Variants in MAN1A2 observed in about 807,000 individuals in gnomAD.
MAN1A2 encodes the protein mannosyl-oligosaccharide 1,2-alpha-mannosidase IB.
MAN1A2 carries 26 observed loss-of-function variants against 75.7 expected under a neutral mutation model. That is an observed-to-expected ratio of 0.34 (90% CI 0.25 to 0.48). MAN1A2 has a LOEUF of 0.48. MAN1A2 is among the 20% of genes least tolerant of loss of function. The pLI is 0.99. For missense variants in MAN1A2, 562 were observed against 775.5 expected (o/e 0.72, Z 3.27); for synonymous variants, 247 against 264.6 (o/e 0.93, Z 0.65).
At position 117,523,827 on chromosome 1, in the gene MAN1A2, T is replaced by C. The variant is rs923115503; in HGVS notation, c.*870T>C. 6 of 151,838 alleles carry C rather than the reference T, an allele frequency of 4.0e-5. No homozygotes were observed. The highest frequency in any genetic ancestry group is 1.2e-4 in the African/African-American group (5 of 41,388). 9.4% of individuals were successfully genotyped at this position (151,838 alleles called of 1,614,324 possible). On this transcript the variant is annotated 3_prime_UTR_variant, in exon 13 of 13. Transcript: ENST00000356554. ...TCCTTGGTTTTGTTGCTACATTATT[T>C]TTCCAGACCAACACATCTACCAAGT...
intron 5 of MAN1A2, among the ~76,000 whole-genome samples, chr1:117,432,701 C>T (rs1458653361): frequency 6.6e-6 from 1 of 152,060 alleles, no homozygotes; most frequent in Non-Finnish European, 1.5e-5. Flanking sequence ...TATCATTCTT[C>T]CCCAGAGGAA....
At chr1:117,386,337 T>A (rs1329763676) in intron 1 of MAN1A2, among the ~76,000 whole-genome samples, 1 of 152,190 alleles carries the variant, frequency 6.6e-6, no homozygotes, top group African/African-American at 2.4e-5. Flanking sequence ...GTTGGTACTG[T>A]TCACCTGAGA....
chr1:117,383,092 G>T (rs547678254), intron 1 of MAN1A2, among the ~76,000 whole-genome samples: 1 of 152,254 alleles, frequency 6.6e-6, no homozygotes, highest in South Asian at 2.1e-4. Context: ...GTGAAAGTGG[G>T]CATCTTTGTC....
intron 3 of MAN1A2, among the ~76,000 whole-genome samples, chr1:117,407,978 A>AT (rs1465058061): frequency 6.6e-6 from 1 of 152,136 alleles, no homozygotes; most frequent in Non-Finnish European, 1.5e-5. Flanking sequence ...TCTTGTGCCC[A>AT]TTGTTGAACC....
chr1:117,407,943 C>T (rs533222062), intron 3 of MAN1A2, among the ~76,000 whole-genome samples: 1 of 152,264 alleles, frequency 6.6e-6, no homozygotes, highest in East Asian at 1.9e-4. Context: ...GAAATACTCA[C>T]TGTTTCTTAT....
chr1:117,433,966 T>C (rs1381899194), intron 5 of MAN1A2, among the ~76,000 whole-genome samples: 1 of 152,194 alleles, frequency 6.6e-6, no homozygotes, highest in African/African-American at 2.4e-5. Context: ...TGTGATTATA[T>C]GGCATTTGCA....
chr1:117,402,797 A>G (rs181391301), intron 2 of MAN1A2, among the ~76,000 whole-genome samples: 3 of 152,246 alleles, frequency 2.0e-5, no homozygotes. Flanking sequence ...ACTCTGCTAG[A>G]TACTATGCAG....
intron 3 of MAN1A2, among the ~76,000 whole-genome samples, chr1:117,410,920 A>G (rs11584944): frequency 0.076 from 11,571 of 151,900 alleles, 494 homozygotes; most frequent in Middle Eastern, 0.15. Flanking sequence ...GAACCTGCAC[A>G]TGGAAAACTT....
At chr1:117,487,936 A>G (rs1045254017) in intron 8 of MAN1A2, among the ~76,000 whole-genome samples, 10 of 152,116 alleles carry the variant, frequency 6.6e-5, no homozygotes, top group African/African-American at 2.2e-4. Flanking sequence ...AATCTATTGT[A>G]TAAATCCATC....
At chr1:117,373,147 G>C (rs527257251) in intron 1 of MAN1A2, among the ~76,000 whole-genome samples, 1 of 149,948 alleles carries the variant, frequency 6.7e-6, no homozygotes, top group East Asian at 1.9e-4. Context: ...GTTATGATTC[G>C]TGTTTTTTTT....
At chr1:117,398,237 T>TCTG (rs1647281039) in intron 1 of MAN1A2, among the ~76,000 whole-genome samples, 6 of 152,136 alleles carry the variant, frequency 3.9e-5, no homozygotes, top group Admixed American at 1.3e-4. Flanking sequence ...TCAGACTGTA[T>TCTG]ATTAGGGAGA....
intron 7 of MAN1A2, among the ~76,000 whole-genome samples, chr1:117,462,890 G>T (rs564986275): frequency 1.3e-5 from 2 of 152,140 alleles, no homozygotes; most frequent in South Asian, 4.1e-4. Context: ...CTGGGATATG[G>T]GGAATAGTAT....
chr1:117,501,302 G>A (rs911408777), intron 11 of MAN1A2, among the ~76,000 whole-genome samples: 6 of 151,788 alleles, frequency 4.0e-5, no homozygotes, highest in Non-Finnish European at 5.9e-5. Context: ...AGTTTCAGAA[G>A]TGTGCAGTGG....
intron 6 of MAN1A2, among the ~76,000 whole-genome samples, chr1:117,454,130 A>G (rs1368814783): frequency 1.3e-5 from 2 of 152,242 alleles, no homozygotes; most frequent in Admixed American, 1.3e-4. Flanking sequence ...TTTTATATAT[A>G]CTGAGATACG....
At chr1:117,464,145 C>G (rs751845533) in intron 7 of MAN1A2, among the ~76,000 whole-genome samples, 1 of 151,910 alleles carries the variant, frequency 6.6e-6, no homozygotes, top group Non-Finnish European at 1.5e-5. Flanking sequence ...GTGGGTGGAT[C>G]GCTTGAGCTC....
At chr1:117,473,775 G>T (rs756714684) in intron 8 of MAN1A2, among the ~76,000 whole-genome samples, 1 of 151,880 alleles carries the variant, frequency 6.6e-6, no homozygotes, top group Non-Finnish European at 1.5e-5. Context: ...GTCACCTTAC[G>T]TGATAGGCGG....
Position 117,526,394 on chromosome 1 carries a change from G to A in MAN1A2, c.*3437G>A, listed in dbSNP as rs1652020731. The stretch of plus-strand genomic sequence containing the variant: ...AATTTTATATTTCATATAAATTAAA[G>A]AGGAAAAAGAAAAGGTTTATAATAT... On this transcript the variant is annotated 3_prime_UTR_variant, in exon 13 of 13. Coordinates refer to ENST00000356554, the MANE Select transcript of MAN1A2 (RefSeq NM_006699.5). 1 of 151,642 alleles carries A rather than the reference G, an allele frequency of 6.6e-6. No homozygotes were observed. The highest frequency in any genetic ancestry group is 1.5e-5 in the Non-Finnish European group (1 of 67,778). The allele number at this position is 151,642 out of a possible 1,614,324, so 9.4% of individuals were successfully genotyped here.
rs1424513880 is a variant in MAN1A2 at position 117,523,208 on chromosome 1, T to A, written c.*251T>A. On this transcript the variant is annotated 3_prime_UTR_variant, in exon 13 of 13. Transcript: ENST00000356554. ...TGTGCTTTGATCGTTAATGAGGTGG[T>A]CACATGAGAAATGATACCTGTTACT... 2 of 618,982 alleles carry A rather than the reference T, an allele frequency of 3.2e-6. No individual in the cohort carries two copies. Among genetic ancestry groups the A allele is most frequent in the Non-Finnish European group, 6.2e-6 (2 of 322,176 alleles). The allele number at this position is 618,982 out of a possible 1,614,324, so 38.3% of individuals were successfully genotyped here. A position where few individuals can be genotyped will look rare whatever the true frequency, so the allele number is the denominator to read the frequency against.
At chr1:117,449,396 A>G (rs551055260) in intron 6 of MAN1A2, among the ~76,000 whole-genome samples, 58 of 151,836 alleles carry the variant, frequency 3.8e-4, no homozygotes, top group Non-Finnish European at 6.5e-4. Flanking sequence ...CTGCCTCTAC[A>G]AAAAATACAA....
Sources: allele counts gnomAD v4.1 joint callset (sites outside exome capture counted in the v4.1 genomes callset), GRCh38; gene constraint gnomAD v4.1.1; transcripts MANE v1.5; gene names NCBI Gene and HGNC (gene_info 2026-07-23, HGNC 2026-07-21).